HSP90AB1: variants seen among roughly 807,000 people sequenced by gnomAD.
The protein encoded by HSP90AB1 is heat shock protein HSP 90-beta.
Under a neutral mutation model 67.8 loss-of-function variants are expected in HSP90AB1, and 17 were observed. The ratio of observed to expected loss-of-function variants is 0.25; its 90% confidence interval spans 0.17 to 0.38. The LOEUF is 0.38. Among genes scored for constraint, HSP90AB1 ranks in the 10% least tolerant of loss-of-function variants. HSP90AB1 has a pLI of 1.00. For synonymous variants in HSP90AB1, 390 were observed against 312.9 expected, an observed-to-expected ratio of 1.25 and a Z score of -2.60; for missense variants, 690 against 899.9, an observed-to-expected ratio of 0.77 and a Z score of 2.98.
chr6:44,247,402 TTC>T (rs1319937492), intron 1 of HSP90AB1, among the ~76,000 whole-genome samples: 2 of 152,074 alleles, frequency 1.3e-5, no homozygotes, highest in African/African-American at 4.8e-5. Context: ...GGGTGGGGCT[TTC>T]TCTCGGCGCC....
At chr6:44,250,990 G>A (rs1780575897) in intron 6 of HSP90AB1, 58 bp from the exon 7 acceptor site, 4 of 1,400,278 alleles carry the variant, frequency 2.9e-6, no homozygotes, top group African/African-American at 1.4e-5. Context: ...AGATAATTTG[G>A]TGTTGGGGCT....
In HSP90AB1 at chr6:44,248,644, G is replaced by T. The variant is rs752016565; in HGVS notation, c.15G>T (p.Val5=). Reference sequence around the variant, plus strand: ...TTTTATTTTAGATGCCTGAGGAAGTGCACCATGGAGAGGAGGAGGTGGAGA... The same window carrying T: ...TTTTATTTTAGATGCCTGAGGAAGTTCACCATGGAGAGGAGGAGGTGGAGA... The part of the protein sequence containing the change: MPEE[V]HHGEEEVETF... The change falls in exon 2 of 12, where the codon GTG becomes GTT. Residue 5 remains valine (V), a synonymous_variant. Coordinates refer to ENST00000371646, the MANE Select transcript of HSP90AB1 (RefSeq NM_007355.4). The T allele has an allele frequency of 1.2e-6, 2 of 1,610,048 alleles. No homozygotes were observed. The highest frequency in any genetic ancestry group is 2.2e-5 in the East Asian group (1 of 44,886).
At chr6:44,248,544 A>AGAC in intron 1 of HSP90AB1, 86 bp from the exon 2 acceptor site, 1 of 1,277,212 alleles carries the variant, frequency 7.8e-7, no homozygotes, top group Non-Finnish European at 1.1e-6. Context: ...CTCACTGTCT[A>AGAC]AGGTCCTAAC....
At chr6:44,248,151 T>C (rs1185868935) in intron 1 of HSP90AB1, 1 of 156,450 alleles carries the variant, frequency 6.4e-6, no homozygotes, top group Non-Finnish European at 1.4e-5. Context: ...CTTGGACTGG[T>C]CTTAGGAACT....
intron 1 of HSP90AB1, among the ~76,000 whole-genome samples, chr6:44,247,456 G>A (rs1780047530): frequency 6.6e-6 from 1 of 152,158 alleles, no homozygotes. Flanking sequence ...GGGGCAGTGG[G>A]CGGCTGGCAG....
intron 1 of HSP90AB1, 68 bp from the exon 2 acceptor site, chr6:44,248,562 A>G (rs760342467): frequency 1.4e-5 from 20 of 1,457,730 alleles, no homozygotes; most frequent in Non-Finnish European, 1.9e-5. Flanking sequence ...AACAAATGAT[A>G]TGACCTTTAG....
chr6:44,248,635 T>C lies in HSP90AB1; in HGVS notation c.6T>C (p.Pro2=), dbSNP rs145719427. 1 of 1,602,906 alleles carries C rather than the reference T, an allele frequency of 6.2e-7. No individual in the cohort carries two copies. The highest frequency in any genetic ancestry group is 8.5e-7 in the Non-Finnish European group (1 of 1,177,062). ...TAATGAGATTTTTATTTTAGATGCC[T>C]GAGGAAGTGCACCATGGAGAGGAGG... M[P]EEVHHGEEEV... The change falls in exon 2 of 12, where the codon CCT becomes CCC. Residue 2 remains proline, a synonymous_variant. Coordinates refer to ENST00000371646, the MANE Select transcript of HSP90AB1 (RefSeq NM_007355.4).
intron 10 of HSP90AB1, 33 bp from the exon 11 acceptor site, chr6:44,253,012 A>G (rs753261999): frequency 1.3e-6 from 2 of 1,555,102 alleles, no homozygotes; most frequent in African/African-American, 2.7e-5. Flanking sequence ...CAAAGTGGTA[A>G]TGTCAATCTA....
rs1441321766 is a variant in HSP90AB1, at chr6:44,251,981, C to T, written c.1463-18C>T. 6.2e-7 allele frequency: 1 copy of T among 1,614,014 alleles called. No individual in the cohort carries two copies. The highest frequency in any genetic ancestry group is 1.1e-5 in the South Asian group (1 of 91,062). ...TATGAGGCATTTTAGTCACTGAGTT[C>T]ATTTAATTACCCTACAGGTGAGAGC... On this transcript the variant is annotated intron_variant, in intron 9 of 11. Coordinates refer to ENST00000371646, the MANE Select transcript of HSP90AB1 (RefSeq NM_007355.4).
intron 10 of HSP90AB1, 141 bp from the exon 11 acceptor site, chr6:44,252,904 G>C: frequency 3.1e-6 from 2 of 654,312 alleles, no homozygotes; most frequent in East Asian, 5.4e-5. Flanking sequence ...TTTGTAGACA[G>C]GGTTTTGCCA....
rs1405255986 is a variant in HSP90AB1, at chr6:44,249,568, C to T, written c.339C>T (p.Phe113=). The T allele has an allele frequency of 1.2e-6, 2 of 1,613,850 alleles. No homozygotes were observed. Among genetic ancestry groups the T allele is most frequent in the African/African-American group, 2.7e-5 (2 of 74,930 alleles). Reference sequence around the variant, plus strand: ...TTGCCAAGTCTGGTACTAAAGCATTCATGGAGGCTCTTCAGGTATTGCAGT... The same window carrying T: ...TTGCCAAGTCTGGTACTAAAGCATTTATGGAGGCTCTTCAGGTATTGCAGT... ...GTIAKSGTKA[F]MEALQAGADI... Residue 113 remains phenylalanine (F), a synonymous_variant, in exon 3 of 12, where the codon TTC becomes TTT. Coordinates refer to ENST00000371646, the MANE Select transcript of HSP90AB1 (RefSeq NM_007355.4).
chr6:44,252,411 G>A (rs1357937131), intron 10 of HSP90AB1, 144 bp downstream of exon 10: 2 of 730,742 alleles, frequency 2.7e-6, no homozygotes, highest in African/African-American at 3.6e-5. Context: ...CTCTAGTCAG[G>A]TTTAAGGCTA....
rs1582990710 is a variant in HSP90AB1 at position 44,253,191 on chromosome 6, G to A, written c.1878G>A (p.Leu626=). Reference sequence around the variant, plus strand: ...GCTATATGATGGCCAAAAAGCACCTGGAGATCAACCCTGACCACCCCATTG... The same window carrying A: ...GCTATATGATGGCCAAAAAGCACCTAGAGATCAACCCTGACCACCCCATTG... ...TMGYMMAKKH[L]EINPDHPIVE... Residue 626 remains leucine (L), a synonymous_variant, in exon 11 of 12, where the codon CTG becomes CTA. Coordinates refer to ENST00000371646, the MANE Select transcript of HSP90AB1 (RefSeq NM_007355.4). 6.2e-7 allele frequency: 1 copy of A among 1,614,188 alleles called. No individual in the cohort carries two copies. Among genetic ancestry groups the A allele is most frequent in the Non-Finnish European group, 8.5e-7 (1 of 1,180,032 alleles).
chr6:44,249,919 G>GT, intron 4 of HSP90AB1, 85 bp downstream of exon 4: 1 of 1,584,894 alleles, frequency 6.3e-7, no homozygotes, highest in Non-Finnish European at 8.6e-7. Flanking sequence ...CATCCTGTCT[G>GT]TAAAGCAGTT....
chr6:44,253,016 C>T, intron 10 of HSP90AB1, 29 bp from the exon 11 acceptor site: 1 of 1,577,752 alleles, frequency 6.3e-7, no homozygotes. Flanking sequence ...GTGGTAATGT[C>T]AATCTAAGGC....
At position 44,249,675 on chromosome 6, in the gene HSP90AB1, G is replaced by A. The variant is rs1356663712; in HGVS notation, c.355G>A (p.Ala119Thr). Residue 119 changes from alanine (A) to threonine (T), a missense_variant and splice_region_variant, in exon 4 of 12, where the codon GCT becomes ACT. Coordinates refer to ENST00000371646, the MANE Select transcript of HSP90AB1 (RefSeq NM_007355.4). The part of the protein sequence containing the change: ...GTKAFMEALQ[A>T]GADISMIGQF... The stretch of plus-strand genomic sequence containing the variant: ...TGATTGACTTTAAACTTGTTGGCAG[G>A]CTGGTGCAGACATCTCCATGATTGG... 1.9e-6 allele frequency: 3 copies of A among 1,612,678 alleles called. No homozygotes were observed. The highest frequency in any genetic ancestry group is 2.2e-5 in the East Asian group (1 of 44,850).
Position 44,250,077 on chromosome 6 carries a change from G to C in HSP90AB1, c.571G>C (p.Glu191Gln). Reference sequence around the variant, plus strand: ...CCTCCATCTTAAAGAAGATCAGACAGAGTACCTAGAAGAGAGGCGGGTCAA... The same window carrying C: ...CCTCCATCTTAAAGAAGATCAGACACAGTACCTAGAAGAGAGGCGGGTCAA... ...VILHLKEDQT[E>Q]YLEERRVKEV... Residue 191 changes from glutamate (E) to glutamine (Q), a missense_variant, in exon 5 of 12, where the codon GAG (glutamate) becomes CAG (glutamine). Physicochemically the swap from Glu to Gln is conservative, Grantham distance 29 (BLOSUM62 2). This residue lies in a region of HSP90AB1 where 146 missense variants were observed against 143.7 expected (regional missense o/e 1.02). Coordinates refer to ENST00000371646, the MANE Select transcript of HSP90AB1 (RefSeq NM_007355.4). The C allele has an allele frequency of 6.2e-7, 1 of 1,614,198 alleles. No homozygotes were observed. Among genetic ancestry groups the C allele is most frequent in the Non-Finnish European group, 8.5e-7 (1 of 1,179,990 alleles).
At chr6:44,247,590 C>A (rs1164665458) in intron 1 of HSP90AB1, among the ~76,000 whole-genome samples, 1 of 152,212 alleles carries the variant, frequency 6.6e-6, no homozygotes, top group Non-Finnish European at 1.5e-5. Flanking sequence ...TGACTCAGCA[C>A]GGCCTTGTGG....
upstream of HSP90AB1, chr6:44,246,329 C>T (rs761242212): frequency 6.6e-6 from 1 of 152,252 alleles, no homozygotes; most frequent in African/African-American, 2.4e-5. Flanking sequence ...GGCTGGTACC[C>T]GCGTCTCTCG....
Sources: gnomAD v4.1 joint callset for allele counts (sites outside exome capture counted in the v4.1 genomes callset) on GRCh38, gnomAD v4.1.1 for gene constraint, gnomAD v4.1.1 regional missense constraint, MANE v1.5 for transcripts, NCBI Gene and HGNC (gene_info 2026-07-23, HGNC 2026-07-21) for gene names.